Variants in FTSJ3 observed in about 807,000 individuals in gnomAD.
FTSJ3 encodes the protein pre-rRNA 2'-O-ribose RNA methyltransferase FTSJ3.
A neutral mutation model predicts 111.5 loss-of-function variants in FTSJ3; 46 were observed. The ratio of observed to expected loss-of-function variants is 0.41; its 90% CI spans 0.33 to 0.53. The LOEUF (loss-of-function observed/expected upper bound fraction) is 0.53. Among genes scored for constraint, FTSJ3 ranks in the 20% least tolerant of loss-of-function variants. The probability of loss-of-function intolerance (pLI) is 0.19; values close to 1 mark genes in which losing one functional copy is unlikely to be tolerated. For missense variants in FTSJ3, 1,075 were observed against 1,063.8 expected (o/e 1.01, Z -0.15); for synonymous variants, 408 against 383.0 (o/e 1.07, Z -0.76).
At position 63,821,452 on chromosome 17, in the gene FTSJ3, C is replaced by CTCTGTTCCCT; in HGVS notation, c.1778_1787dup (p.Ala597GlyfsTer15). 1 of 1,614,206 alleles carries CTCTGTTCCCT rather than the reference C, an allele frequency of 6.2e-7. No individual in the cohort carries two copies. Among genetic ancestry groups the CTCTGTTCCCT allele is most frequent in the Non-Finnish European group, 8.5e-7 (1 of 1,180,022 alleles). On this transcript the variant is annotated frameshift_variant, in exon 16 of 21. Coordinates refer to ENST00000427159, the MANE Select transcript of FTSJ3 (RefSeq NM_017647.4). LOFTEE classifies it high-confidence loss of function. ...TGGCAGCTTCTGTCCCCGAAGAAGCCTCTGTTCCCTTAGGGGCTTCATCTT... is the reference window on the plus strand; with the variant it reads ...TGGCAGCTTCTGTCCCCGAAGAAGCCTCTGTTCCCTTCTGTTCCCTTAGGGGCTTCATCTT...
intron 2 of FTSJ3, 54 bp downstream of exon 2, chr17:63,826,782 C>A (rs1021753608): frequency 5.0e-6 from 8 of 1,591,082 alleles, no homozygotes; most frequent in Non-Finnish European, 6.9e-6. Context: ...AAAGAGCAGG[C>A]GAACCGGGCA....
At chr17:63,826,166 A>C in intron 4 of FTSJ3, 31 bp from the exon 5 acceptor site, 1 of 1,612,416 alleles carries the variant, frequency 6.2e-7, no homozygotes, top group Non-Finnish European at 8.5e-7. Context: ...GTATTCTAAA[A>C]GGTTGCTTCA....
At position 63,824,404 on chromosome 17, in the gene FTSJ3, G is replaced by A. The variant is rs554168537; in HGVS notation, c.925C>T (p.Leu309=). The part of the protein sequence containing the change: ...VLGRKELRSL[L]NWRTKLRRYV... ...CGCCGAAGTTTTGTTCTCCAGTTTA[G>A]TAGCGACCTGCCCCAGAGATACTAT... Residue 309 remains leucine, a synonymous_variant, in exon 11 of 21, where the codon CTA becomes TTA. Coordinates refer to ENST00000427159, the MANE Select transcript of FTSJ3 (RefSeq NM_017647.4). The A allele has an allele frequency of 1.7e-4, 282 of 1,614,046 alleles. 1 individual carries two copies. The South Asian group carries it at 3.0e-3, about 17-fold the overall frequency.
intron 13 of FTSJ3, 51 bp from the exon 14 acceptor site, chr17:63,822,219 T>G (rs558548215): frequency 4.6e-6 from 7 of 1,528,168 alleles, no homozygotes; most frequent in Middle Eastern, 1.7e-4. Flanking sequence ...AATATACTGT[T>G]TTTTTTTCTG....
chr17:63,820,006 A>G lies in FTSJ3; in HGVS notation c.2352-12T>C. ...CCTTCTTGTAGAGACTACAGGGGGG[A>G]AGAGAAGAGGTTAGAGGCTTGCTTT... On this transcript the variant is annotated splice_polypyrimidine_tract_variant and intron_variant, in intron 20 of 20. Transcript: ENST00000427159. 6.2e-7 allele frequency: 1 copy of G among 1,613,620 alleles called. No individual in the cohort carries two copies. The highest frequency in any genetic ancestry group is 1.7e-5 in the Admixed American group (1 of 59,990).
At position 63,819,791 on chromosome 17, in the gene FTSJ3, G is replaced by A; in HGVS notation, c.*11C>T. 3 of 1,606,088 alleles carry A rather than the reference G, an allele frequency of 1.9e-6. No homozygotes were observed. The highest frequency in any genetic ancestry group is 2.6e-6 in the Non-Finnish European group (3 of 1,175,262). On this transcript the variant is annotated 3_prime_UTR_variant, in exon 21 of 21. Coordinates refer to ENST00000427159, the MANE Select transcript of FTSJ3 (RefSeq NM_017647.4). ...AGTCCCCATGCTCTCCTGGGAGCCT[G>A]GCAGCTCTGCTTACTTCCGTTTGTG...
intron 16 of FTSJ3, 43 bp from the exon 17 acceptor site, chr17:63,821,158 C>T: frequency 6.3e-7 from 1 of 1,595,908 alleles, no homozygotes; most frequent in Non-Finnish European, 8.6e-7. Context: ...CCACTCTGTA[C>T]TACTCAGACC....
chr17:63,825,713 T>C (rs538358282), intron 5 of FTSJ3, 78 bp from the exon 6 acceptor site: 1 of 1,327,254 alleles, frequency 7.5e-7, no homozygotes, highest in Non-Finnish European at 1.1e-6. Context: ...TCTAGTCATT[T>C]GCTGAGTGCC....
Position 63,824,392 on chromosome 17 carries a change from T to G in FTSJ3, c.937A>C (p.Thr313Pro). 6.2e-7 allele frequency: 1 copy of G among 1,614,124 alleles called. No homozygotes were observed. The highest frequency in any genetic ancestry group is 8.5e-7 in the Non-Finnish European group (1 of 1,180,028). The change falls in exon 11 of 21, where the codon ACA (threonine) becomes CCA (proline). Residue 313 changes from threonine to proline, a missense_variant. Transcript: ENST00000427159. ...KELRSLLNWR[T>P]KLRRYVAKKL... ...TTGGCCACATATCGCCGAAGTTTTG[T>G]TCTCCAGTTTAGTAGCGACCTGCCC...
intron 3 of FTSJ3, 58 bp downstream of exon 3, chr17:63,826,509 C>A: frequency 7.0e-7 from 1 of 1,433,408 alleles, no homozygotes; most frequent in Non-Finnish European, 9.8e-7. Flanking sequence ...TGGAAGCCAT[C>A]CCAGCTCAGA....
Position 63,821,384 on chromosome 17 carries a change from T to G in FTSJ3, c.1856A>C (p.Asp619Ala). 1 of 1,613,538 alleles carries G rather than the reference T, an allele frequency of 6.2e-7. No homozygotes were observed. Among genetic ancestry groups the G allele is most frequent in the Non-Finnish European group, 8.5e-7 (1 of 1,179,930 alleles). ...TTCTTCCTCACTGCTAGTACTGCTA[T>G]CACTGTCTGAGATGCCATCCTTTTC... ...GEEKDGISDS[D>A]SSTSSEEEES... Residue 619 changes from aspartate (D) to alanine (A), a missense_variant, in exon 16 of 21, where the codon GAT becomes GCT. Physicochemically the swap from Asp to Ala is moderately radical, Grantham distance 126 (BLOSUM62 -2). This residue lies in a region of FTSJ3 where 867 missense variants were observed against 796.9 expected (regional missense o/e 1.09). Coordinates refer to ENST00000427159, the MANE Select transcript of FTSJ3 (RefSeq NM_017647.4).
At chr17:63,823,543 C>T (rs1598349848) in intron 13 of FTSJ3, 4 of 315,010 alleles carry the variant, frequency 1.3e-5, no homozygotes, top group South Asian at 1.1e-4. Flanking sequence ...TGCAGTGGGC[C>T]GAGATCGTGC....
Position 63,820,329 on chromosome 17 carries a change from G to A in FTSJ3, c.2182C>T (p.Arg728Trp), listed in dbSNP as rs760000353. 16 of 1,613,342 alleles carry A rather than the reference G, an allele frequency of 9.9e-6. No homozygotes were observed. The highest frequency in any genetic ancestry group is 1.6e-4 in the Middle Eastern group (1 of 6,084). Residue 728 changes from arginine (R) to tryptophan (W), a missense_variant, in exon 19 of 21, where the codon CGG becomes TGG. Physicochemically the swap from Arg to Trp is moderately radical, Grantham distance 101. Transcript: ENST00000427159. ...PVGKKEVEHY[R>W]KRWREINARP... ...GCATTGATTTCCCGCCAGCGTTTCC[G>A]GTAATGCTCCACCTCCTTCTTACCA...
intron 13 of FTSJ3, chr17:63,823,606 AAAT>A (rs1190087374): frequency 7.3e-6 from 4 of 548,990 alleles, no homozygotes; most frequent in Non-Finnish European, 1.3e-5. Flanking sequence ...AAAAAAAAAA[AAAT>A]AAATCTATCA....
intron 13 of FTSJ3, 200 bp downstream of exon 13, chr17:63,823,617 T>C (rs898801844): frequency 2.1e-5 from 12 of 575,036 alleles, no homozygotes; most frequent in Non-Finnish European, 3.7e-5. Flanking sequence ...AATAAATCTA[T>C]CACACTCATC....
Position 63,827,071 on chromosome 17 carries a change from C to T in FTSJ3, c.-46G>A, listed in dbSNP as rs538286312. ...CACTACCTAGACCCAGAGCCGCTTT[C>T]TCCACACTTGGAACCGCACAAGTAT... On this transcript the variant is annotated 5_prime_UTR_variant, in exon 1 of 21. Coordinates refer to ENST00000427159, the MANE Select transcript of FTSJ3 (RefSeq NM_017647.4). 4.5e-6 allele frequency: 3 copies of T among 665,372 alleles called. No homozygotes were observed. Among genetic ancestry groups the T allele is most frequent in the South Asian group, 1.8e-5 (1 of 57,140 alleles). The allele number at this position is 665,372 out of a possible 1,614,324, so 41.2% of individuals were successfully genotyped here.
chr17:63,819,537 C>T lies in FTSJ3; in HGVS notation c.*265G>A, dbSNP rs748679205. On this transcript the variant is annotated 3_prime_UTR_variant, in exon 21 of 21. Coordinates refer to ENST00000427159, the MANE Select transcript of FTSJ3 (RefSeq NM_017647.4). ...ACTACATTGAGTATCGCTCCAACAC[C>T]GAACTTCCCTTTAACGGTTTAAAAA... is the stretch of plus-strand genomic sequence containing the variant. 30 of 420,464 alleles carry T rather than the reference C, an allele frequency of 7.1e-5. No individual in the cohort carries two copies. Among genetic ancestry groups the T allele is most frequent in the East Asian group, 3.4e-4 (9 of 26,692 alleles). 26.0% of individuals were successfully genotyped at this position (420,464 alleles called of 1,614,324 possible). A position where few individuals can be genotyped will look rare whatever the true frequency, so the allele number is the denominator to read the frequency against.
At position 63,827,349 on chromosome 17, in the gene FTSJ3, G is replaced by C; in HGVS notation, c.-324C>G. On this transcript the variant is annotated 5_prime_UTR_variant, in exon 1 of 21. Transcript: ENST00000427159. Reference sequence around the variant, plus strand: ...TCGAGTAGCCGCCCCTCCCATCATGGTTCCCTTAGTGTGGTCTCGCCGCAC... The same window carrying C: ...TCGAGTAGCCGCCCCTCCCATCATGCTTCCCTTAGTGTGGTCTCGCCGCAC... 1 of 1,141,516 alleles carries C rather than the reference G, an allele frequency of 8.8e-7. No individual in the cohort carries two copies. The allele number at this position is 1,141,516 out of a possible 1,614,324, so 70.7% of individuals were successfully genotyped here.
At chr17:63,825,494 C>T in intron 6 of FTSJ3, 42 bp downstream of exon 6, 2 of 1,611,834 alleles carry the variant, frequency 1.2e-6, no homozygotes, top group Non-Finnish European at 1.7e-6. Context: ...CATGCGCCCA[C>T]CTCCACCATC....
Sources: allele counts gnomAD v4.1 joint callset, GRCh38; gene constraint gnomAD v4.1.1; regional missense constraint gnomAD v4.1.1; transcripts MANE v1.5; gene names NCBI Gene and HGNC (gene_info 2026-07-23, HGNC 2026-07-21).